Variants in FOXP1 observed in about 807,000 individuals in gnomAD.
FOXP1 encodes the protein forkhead box protein P1.
A neutral mutation model predicts 98.2 loss-of-function variants in FOXP1; 15 were observed. The ratio of observed to expected loss-of-function variants is 0.15; its 90% confidence interval spans 0.10 to 0.24. FOXP1 has a LOEUF of 0.24. Ranked by LOEUF, FOXP1 falls within the 10% of genes least tolerant of loss-of-function variation. FOXP1 has a pLI of 1.00. For missense variants in FOXP1, 633 were observed against 848.5 expected (o/e 0.75, Z 3.15); for synonymous variants, 371 against 314.5 (o/e 1.18, Z -1.90).
intron 2 of FOXP1, among the ~76,000 whole-genome samples, chr3:71,497,091 A>C (rs2091472356): frequency 6.6e-6 from 1 of 152,068 alleles, no homozygotes; most frequent in African/African-American, 2.4e-5. Flanking sequence ...AAATACAGCA[A>C]CTGAAATTTT....
At chr3:71,265,196 CA>C (rs2069519982) in intron 5 of FOXP1, among the ~76,000 whole-genome samples, 1 of 152,194 alleles carries the variant, frequency 6.6e-6, no homozygotes, top group Non-Finnish European at 1.5e-5. Flanking sequence ...GACTGTTCAA[CA>C]ACCTTGGCCA....
At chr3:71,491,078 C>T (rs1303281088) in intron 3 of FOXP1, among the ~76,000 whole-genome samples, 1 of 152,116 alleles carries the variant, frequency 6.6e-6, no homozygotes, top group Non-Finnish European at 1.5e-5. Flanking sequence ...TGCAGTGGCA[C>T]GATCTCAGCT....
intron 4 of FOXP1, among the ~76,000 whole-genome samples, chr3:71,318,811 A>C (rs1422121404): frequency 6.6e-6 from 1 of 152,200 alleles, no homozygotes; most frequent in African/African-American, 2.4e-5. Context: ...GGAAGATGTC[A>C]AGGTCCTGGT....
intron 3 of FOXP1, among the ~76,000 whole-genome samples, chr3:71,372,822 T>C (rs1160682943): frequency 6.6e-6 from 1 of 152,212 alleles, no homozygotes; most frequent in Non-Finnish European, 1.5e-5. Context: ...ACAGAAATGA[T>C]GAATCTAGGC....
At chr3:71,324,797 A>T (rs2075588784) in intron 4 of FOXP1, among the ~76,000 whole-genome samples, 1 of 152,046 alleles carries the variant, frequency 6.6e-6, no homozygotes, top group Non-Finnish European at 1.5e-5. Context: ...TAAATACATT[A>T]GTGTAAATTC....
chr3:71,163,788 C>G (rs1223938068), intron 6 of FOXP1, among the ~76,000 whole-genome samples: 2 of 151,974 alleles, frequency 1.3e-5, no homozygotes, highest in African/African-American at 4.8e-5. Context: ...CGAGGCCAGC[C>G]AAAACAAACA....
intron 13 of FOXP1, among the ~76,000 whole-genome samples, chr3:70,997,196 G>A (rs1188939985): frequency 6.6e-6 from 1 of 152,220 alleles, no homozygotes; most frequent in Non-Finnish European, 1.5e-5. Context: ...AACGGAAATA[G>A]GCTGTTTGAC....
chr3:71,068,089 T>C (rs2052776143), intron 7 of FOXP1, among the ~76,000 whole-genome samples: 1 of 151,732 alleles, frequency 6.6e-6, no homozygotes, highest in Non-Finnish European at 1.5e-5. Flanking sequence ...AAGGAAATGC[T>C]AAATACCATA....
chr3:71,261,312 A>G (rs1407002320), intron 5 of FOXP1, among the ~76,000 whole-genome samples: 2 of 152,152 alleles, frequency 1.3e-5, no homozygotes, highest in Non-Finnish European at 2.9e-5. Flanking sequence ...TATCAAATAC[A>G]TTAATAAAAA....
intron 3 of FOXP1, among the ~76,000 whole-genome samples, chr3:71,434,181 A>T (rs1157636273): frequency 6.6e-6 from 1 of 152,198 alleles, no homozygotes; most frequent in Non-Finnish European, 1.5e-5. Flanking sequence ...CAGGACAAAT[A>T]CATCTCCAAA....
chr3:70,961,616 C>T (rs2033536878), intron 20 of FOXP1, among the ~76,000 whole-genome samples: 1 of 151,886 alleles, frequency 6.6e-6, no homozygotes, highest in Admixed American at 6.6e-5. Flanking sequence ...CTGTATTAAG[C>T]ATTACGGATG....
intron 5 of FOXP1, among the ~76,000 whole-genome samples, chr3:71,228,342 T>C (rs1385930099): frequency 5.9e-5 from 9 of 152,048 alleles, no homozygotes; most frequent in African/African-American, 1.4e-4. Context: ...TTTTTTTTTT[T>C]CCTGTGGAGT....
At chr3:71,016,715 T>C (rs796800747) in intron 11 of FOXP1, among the ~76,000 whole-genome samples, 7 of 151,912 alleles carry the variant, frequency 4.6e-5, no homozygotes, top group African/African-American at 1.7e-4. Context: ...GAGGCCTGTA[T>C]TTCATTTCAT....
intron 5 of FOXP1, among the ~76,000 whole-genome samples, chr3:71,234,231 T>C (rs1343952144): frequency 6.6e-6 from 1 of 152,064 alleles, no homozygotes; most frequent in Admixed American, 6.5e-5. Flanking sequence ...AACCAGATTA[T>C]TTGCCAAATG....
chr3:71,505,150 G>A (rs1387637128), intron 2 of FOXP1, among the ~76,000 whole-genome samples: 2 of 152,130 alleles, frequency 1.3e-5, no homozygotes, highest in African/African-American at 4.8e-5. Context: ...GTTTGGAATG[G>A]TTCCCAAAAT....
intron 5 of FOXP1, chr3:71,276,239 A>G (rs147010315): frequency 1.4e-4 from 22 of 152,292 alleles, no homozygotes; most frequent in Non-Finnish European, 2.8e-4. Flanking sequence ...TTCAGTAATG[A>G]TGTTTTCTGG....
At chr3:70,996,463 G>C (rs2041375309) in intron 13 of FOXP1, among the ~76,000 whole-genome samples, 1 of 152,180 alleles carries the variant, frequency 6.6e-6, no homozygotes, top group African/African-American at 2.4e-5. Context: ...TGTACAGATA[G>C]CTCTGTGAAG....
chr3:71,194,413 A>T (rs1325150924), intron 6 of FOXP1, among the ~76,000 whole-genome samples: 1 of 152,220 alleles, frequency 6.6e-6, no homozygotes, highest in African/African-American at 2.4e-5. Context: ...CTGACAGCAT[A>T]TGCTGTATAT....
At chr3:71,539,976 TA>T (rs1317138104) in intron 2 of FOXP1, among the ~76,000 whole-genome samples, 52 of 152,358 alleles carry the variant, frequency 3.4e-4, no homozygotes, top group African/African-American at 1.2e-3. Flanking sequence ...GACATCTAAA[TA>T]AACACCTGTT....
Sources: allele counts gnomAD v4.1 joint callset (sites outside exome capture counted in the v4.1 genomes callset), GRCh38; gene constraint gnomAD v4.1.1; transcripts MANE v1.5; gene names NCBI Gene and HGNC (gene_info 2026-07-23, HGNC 2026-07-21).